The following UBE4B variants were observed in gnomAD, a reference collection of about 807,000 sequenced individuals.
UBE4B encodes ubiquitin conjugation factor E4 B.
In UBE4B, 27 loss-of-function variants were observed where a neutral mutation model predicts 148.1. The ratio of observed to expected loss-of-function variants is 0.18; its 90% CI spans 0.13 to 0.25. UBE4B has a LOEUF of 0.25. Among genes scored for constraint, UBE4B ranks in the 10% least tolerant of loss-of-function variants. The pLI is 1.00. For synonymous variants in UBE4B, 596 were observed against 619.3 expected (o/e 0.96, Z 0.56); for missense variants, 1,170 against 1,662.4 (o/e 0.70, Z 5.15).
At chr1:10,178,609 C>T (rs1646461919) in intron 25 of UBE4B, 35 bp from the exon 26 acceptor site, 3 of 1,545,248 alleles carry the variant, frequency 1.9e-6, no homozygotes. Flanking sequence ...ACCTGACGTA[C>T]ATTTACGTCT....
At chr1:10,055,297 T>TCTTTC (rs963209408) in intron 1 of UBE4B, among the ~76,000 whole-genome samples, 1 of 151,966 alleles carries the variant, frequency 6.6e-6, no homozygotes, top group Non-Finnish European at 1.5e-5. Context: ...TCTTTTCTTT[T>TCTTTC]CTTTCCTTCT....
intron 1 of UBE4B, among the ~76,000 whole-genome samples, chr1:10,067,971 G>A (rs1036743985): frequency 8.6e-5 from 13 of 150,560 alleles, no homozygotes; most frequent in Admixed American, 1.3e-4. Flanking sequence ...CTTGTGATCC[G>A]CCCACCTCAG....
intron 3 of UBE4B, among the ~76,000 whole-genome samples, chr1:10,097,883 T>G (rs1043191781): frequency 2.0e-5 from 3 of 152,112 alleles, no homozygotes; most frequent in Non-Finnish European, 4.4e-5. Flanking sequence ...GTCCTTATTT[T>G]TTTTGGAGAC....
intron 17 of UBE4B, among the ~76,000 whole-genome samples, chr1:10,138,070 G>C (rs1361986340): frequency 1.3e-5 from 2 of 150,212 alleles, no homozygotes; most frequent in Non-Finnish European, 3.0e-5. Flanking sequence ...GAGTAGCTGG[G>C]ATTACAGATG....
At chr1:10,150,230 A>G (rs1268135768) in intron 20 of UBE4B, among the ~76,000 whole-genome samples, 1 of 152,100 alleles carries the variant, frequency 6.6e-6, no homozygotes, top group Non-Finnish European at 1.5e-5. Context: ...AAAAACCCAA[A>G]TCATTGGTGA....
At chr1:10,149,898 T>C (rs1427861721) in intron 20 of UBE4B, among the ~76,000 whole-genome samples, 1 of 152,172 alleles carries the variant, frequency 6.6e-6, no homozygotes, top group African/African-American at 2.4e-5. Context: ...CTCATGCTTG[T>C]AGTCCCAGAC....
intron 17 of UBE4B, among the ~76,000 whole-genome samples, chr1:10,140,434 A>G (rs1380577383): frequency 1.3e-5 from 2 of 152,224 alleles, no homozygotes; most frequent in African/African-American, 4.8e-5. Flanking sequence ...AGTGTTCCAC[A>G]TATATTATTT....
intron 2 of UBE4B, among the ~76,000 whole-genome samples, chr1:10,087,284 GT>G (rs1005936234): frequency 1.3e-5 from 2 of 152,064 alleles, no homozygotes; most frequent in Non-Finnish European, 2.9e-5. Context: ...TCCAGTCCTA[GT>G]TTCTTTGTAA....
At chr1:10,046,814 C>T (rs1255208159) in intron 1 of UBE4B, among the ~76,000 whole-genome samples, 1 of 152,096 alleles carries the variant, frequency 6.6e-6, no homozygotes, top group African/African-American at 2.4e-5. Flanking sequence ...CCTACTTAGC[C>T]CCAAATTACC....
intron 25 of UBE4B, among the ~76,000 whole-genome samples, chr1:10,171,725 CA>C (rs200940952): frequency 6.6e-6 from 1 of 152,084 alleles, no homozygotes; most frequent in Non-Finnish European, 1.5e-5. Context: ...ACTAAAGATA[CA>C]AAAAATTACC....
chr1:10,109,713 C>T (rs756582691), intron 7 of UBE4B, among the ~76,000 whole-genome samples: 3 of 151,798 alleles, frequency 2.0e-5, no homozygotes, highest in East Asian at 3.9e-4. Flanking sequence ...TGCAGTGGAG[C>T]GATCTCGGCT....
chr1:10,081,612 G>A (rs896997755), intron 2 of UBE4B, among the ~76,000 whole-genome samples: 20 of 150,888 alleles, frequency 1.3e-4, no homozygotes, highest in African/African-American at 4.9e-4. Flanking sequence ...GTTTGAGTTG[G>A]AGTTTCGCTC....
intron 7 of UBE4B, among the ~76,000 whole-genome samples, chr1:10,109,146 C>A (rs1178165648): frequency 6.6e-6 from 1 of 152,180 alleles, no homozygotes; most frequent in East Asian, 1.9e-4. Flanking sequence ...TCAGCTCTGT[C>A]CATGTATCAG....
chr1:10,057,703 C>A (rs1250571615), intron 1 of UBE4B, among the ~76,000 whole-genome samples: 2 of 148,392 alleles, frequency 1.3e-5, no homozygotes, highest in African/African-American at 5.0e-5. Context: ...GTACTCCAAC[C>A]TGGCTGACAG....
chr1:10,125,418 G>T (rs1242208126), intron 10 of UBE4B, among the ~76,000 whole-genome samples: 1 of 152,172 alleles, frequency 6.6e-6, no homozygotes, highest in Admixed American at 6.5e-5. Flanking sequence ...TTGATTGTTG[G>T]TATTGCAGAA....
chr1:10,064,278 A>T (rs1644343222), intron 1 of UBE4B, among the ~76,000 whole-genome samples: 1 of 152,242 alleles, frequency 6.6e-6, no homozygotes, highest in African/African-American at 2.4e-5. Flanking sequence ...GGGATGATTC[A>T]GTTATTACAT....
chr1:10,119,661 G>A, intron 9 of UBE4B, 48 bp downstream of exon 9: 1 of 1,549,658 alleles, frequency 6.5e-7, no homozygotes, highest in South Asian at 1.1e-5. Flanking sequence ...GAGAGCCCTA[G>A]CCGTCAGTGG....
At chr1:10,044,411 C>G (rs1643874435) in intron 1 of UBE4B, among the ~76,000 whole-genome samples, 1 of 151,966 alleles carries the variant, frequency 6.6e-6, no homozygotes. Flanking sequence ...TGGTCCCCAA[C>G]CTTTTTGGCA....
intron 1 of UBE4B, among the ~76,000 whole-genome samples, chr1:10,061,961 G>A (rs1204030099): frequency 6.7e-6 from 1 of 150,258 alleles, no homozygotes; most frequent in Non-Finnish European, 1.5e-5. Flanking sequence ...CCAGGCTGGA[G>A]TGCAGTGGCG....
Sources: allele counts gnomAD v4.1 joint callset (sites outside exome capture counted in the v4.1 genomes callset), GRCh38; gene constraint gnomAD v4.1.1; transcripts MANE v1.5; gene names NCBI Gene and HGNC (gene_info 2026-07-23, HGNC 2026-07-21).